The following TBL1XR1 variants were observed in gnomAD, a reference collection of about 807,000 sequenced individuals.
TBL1XR1 encodes TBL1X/Y related 1.
In TBL1XR1, 5 loss-of-function variants were observed where a neutral mutation model predicts 66.9. The ratio of observed to expected loss-of-function variants is 0.07; its 90% CI spans 0.04 to 0.16. TBL1XR1 has a LOEUF of 0.16. Ranked by LOEUF, TBL1XR1 falls within the 10% of genes least tolerant of loss-of-function variation. The pLI, the probability that TBL1XR1 is intolerant of heterozygous loss-of-function variation, is 1.00. For synonymous variants in TBL1XR1, 210 were observed against 206.0 expected (o/e 1.02, Z -0.17); for missense variants, 238 against 623.2 (o/e 0.38, Z 6.58).
chr3:177,136,674 G>A (rs1327061973), intron 1 of TBL1XR1, among the ~76,000 whole-genome samples: 1 of 152,118 alleles, frequency 6.6e-6, no homozygotes, highest in African/African-American at 2.4e-5. Flanking sequence ...TAGATAAACA[G>A]GGTTTAAAAG....
At chr3:177,169,114 C>T (rs1032492185) in intron 1 of TBL1XR1, among the ~76,000 whole-genome samples, 17 of 152,146 alleles carry the variant, frequency 1.1e-4, no homozygotes, top group African/African-American at 3.9e-4. Flanking sequence ...ATAGTAATTA[C>T]ATTTTATCAT....
intron 1 of TBL1XR1, among the ~76,000 whole-genome samples, chr3:177,143,980 G>C (rs928026693): frequency 5.3e-5 from 8 of 152,068 alleles, no homozygotes; most frequent in African/African-American, 1.9e-4. Context: ...GGCCGGGCAT[G>C]GTGGCTCATG....
chr3:177,162,449 A>T (rs1400161190), intron 1 of TBL1XR1, among the ~76,000 whole-genome samples: 6 of 152,208 alleles, frequency 3.9e-5, no homozygotes, highest in Non-Finnish European at 8.8e-5. Context: ...TTTTAATTTT[A>T]AAAAATCATA....
chr3:177,184,335 A>G (rs1735162435), intron 1 of TBL1XR1, among the ~76,000 whole-genome samples: 1 of 152,202 alleles, frequency 6.6e-6, no homozygotes, highest in Non-Finnish European at 1.5e-5. Context: ...TGTGCCAAAT[A>G]CTATAATTAT....
At chr3:177,087,266 T>G (rs989054958) in intron 2 of TBL1XR1, among the ~76,000 whole-genome samples, 3 of 151,948 alleles carry the variant, frequency 2.0e-5, no homozygotes, top group Admixed American at 6.6e-5. Context: ...TTTTTGGCAT[T>G]TTTCTCTTAC....
At chr3:177,181,462 A>G (rs1162053052) in intron 1 of TBL1XR1, among the ~76,000 whole-genome samples, 1 of 144,584 alleles carries the variant, frequency 6.9e-6, no homozygotes, top group Non-Finnish European at 1.5e-5. Context: ...CCTGAGTGAC[A>G]GAGCCAGACT....
chr3:177,102,339 C>T (rs1724327449), intron 1 of TBL1XR1, among the ~76,000 whole-genome samples: 1 of 152,182 alleles, frequency 6.6e-6, no homozygotes, highest in Admixed American at 6.5e-5. Flanking sequence ...ATACCAACTG[C>T]ACCTGCAAAT....
At chr3:177,133,658 T>C (rs1728566595) in intron 1 of TBL1XR1, among the ~76,000 whole-genome samples, 1 of 152,038 alleles carries the variant, frequency 6.6e-6, no homozygotes, top group South Asian at 2.1e-4. Context: ...TGCCAACACT[T>C]TGAGAGGCGG....
chr3:177,077,567 A>C (rs898633710), intron 2 of TBL1XR1, among the ~76,000 whole-genome samples: 1 of 152,306 alleles, frequency 6.6e-6, no homozygotes, highest in South Asian at 2.1e-4. Flanking sequence ...CGACAGCCTA[A>C]GAGTCTCCTA....
At chr3:177,177,267 C>A (rs917224238) in intron 1 of TBL1XR1, among the ~76,000 whole-genome samples, 1 of 152,024 alleles carries the variant, frequency 6.6e-6, no homozygotes, top group Non-Finnish European at 1.5e-5. Flanking sequence ...CTGACCAACA[C>A]GGTGAAACCC....
At chr3:177,064,384 A>G (rs1396610375) in intron 3 of TBL1XR1, among the ~76,000 whole-genome samples, 4 of 152,146 alleles carry the variant, frequency 2.6e-5, no homozygotes, top group Non-Finnish European at 5.9e-5. Context: ...TATCAATAAA[A>G]CTTGGAAGAT....
chr3:177,040,464 C>T (rs932584415), intron 10 of TBL1XR1, among the ~76,000 whole-genome samples: 6 of 151,742 alleles, frequency 4.0e-5, no homozygotes, highest in Non-Finnish European at 7.4e-5. Flanking sequence ...TAGTAACTGG[C>T]TATGTTAAAA....
At chr3:177,182,103 G>A (rs909822699) in intron 1 of TBL1XR1, among the ~76,000 whole-genome samples, 2 of 152,162 alleles carry the variant, frequency 1.3e-5, no homozygotes, top group Non-Finnish European at 2.9e-5. Flanking sequence ...TTACAGCACA[G>A]CCAGTCCCAG....
rs1162222353 is a variant in TBL1XR1 at position 177,172,694 on chromosome 3, GGAGGA to G, written c.-122+24422_-122+24426del. On this transcript the variant is annotated intron_variant, in intron 1 of 15. Transcript: ENST00000457928. ...AGGGGAGGGGAGGGGAGAGGGGAGG[GGAGGA>G]GAGGGAAGAGAAGAGCCAAGCCGAG... Among the ~76,000 whole-genome samples the G allele has an allele frequency of 2.1e-4, 29 of 137,036 alleles. 1 individual carries two copies. The highest frequency in any genetic ancestry group is 3.6e-4 in the Admixed American group (5 of 13,854). 89.9% of individuals were successfully genotyped at this position (137,036 alleles called of 152,430 possible). A position where few individuals can be genotyped will look rare whatever the true frequency, so the allele number is the denominator to read the frequency against.
chr3:177,149,562 T>C (rs1409312411), intron 1 of TBL1XR1, among the ~76,000 whole-genome samples: 2 of 152,198 alleles, frequency 1.3e-5, no homozygotes, highest in Non-Finnish European at 1.5e-5. Context: ...ATTCTACAAT[T>C]AATCACTTCA....
intron 1 of TBL1XR1, among the ~76,000 whole-genome samples, chr3:177,130,725 A>T (rs1171345956): frequency 2.6e-5 from 4 of 152,230 alleles, no homozygotes; most frequent in African/African-American, 7.2e-5. Flanking sequence ...TAATTACCTG[A>T]AAGGGAGGCA....
At chr3:177,179,275 G>A (rs1305662643) in intron 1 of TBL1XR1, among the ~76,000 whole-genome samples, 1 of 152,130 alleles carries the variant, frequency 6.6e-6, no homozygotes, top group Non-Finnish European at 1.5e-5. Context: ...GTTTCATTCA[G>A]CTCTTAGTGT....
At chr3:177,047,598 T>G (rs936957694) in intron 7 of TBL1XR1, 49 bp from the exon 8 acceptor site, 1 of 1,542,932 alleles carries the variant, frequency 6.5e-7, no homozygotes, top group Admixed American at 1.7e-5. Flanking sequence ...ATACGGTATT[T>G]AATTGTTGTT....
At chr3:177,189,603 G>A (rs940455803) in intron 1 of TBL1XR1, among the ~76,000 whole-genome samples, 8 of 145,756 alleles carry the variant, frequency 5.5e-5, no homozygotes, top group African/African-American at 1.1e-4. Context: ...TGCAGTGAGC[G>A]GAGATCACAT....
Sources: gnomAD v4.1 joint callset for allele counts (sites outside exome capture counted in the v4.1 genomes callset) on GRCh38, gnomAD v4.1.1 for gene constraint, MANE v1.5 for transcripts, NCBI Gene and HGNC (gene_info 2026-07-23, HGNC 2026-07-21) for gene names.